The following REDIC1 variants were observed in gnomAD, a reference collection of about 807,000 sequenced individuals.
REDIC1 encodes HEI10 Interacting Protein 1.
At chr12:39,896,566 ATG>A in the REDIC1 span, among the ~76,000 whole-genome samples, 1 of 106,772 alleles carries the variant, frequency 9.4e-6, no homozygotes, top group Non-Finnish European at 2.0e-5. Flanking sequence ...GTATACATAT[ATG>A]TATGTATGTG....
At chr12:39,775,464 G>A in the REDIC1 span, among the ~76,000 whole-genome samples, 2 of 152,210 alleles carry the variant, frequency 1.3e-5, no homozygotes, top group East Asian at 1.9e-4. Context: ...AACAGGCTAC[G>A]GGCTCAGAGG....
chr12:39,883,355 G>A, the REDIC1 span, among the ~76,000 whole-genome samples: 7 of 152,134 alleles, frequency 4.6e-5, no homozygotes, highest in Non-Finnish European at 7.4e-5. Context: ...GTTCCCAGGT[G>A]CCCTCATGGC....
the REDIC1 span, among the ~76,000 whole-genome samples, chr12:39,667,532 A>G: frequency 1.3e-5 from 2 of 152,184 alleles, no homozygotes; most frequent in African/African-American, 2.4e-5. Flanking sequence ...GCTGAGAAGA[A>G]TGTATATTCT....
the REDIC1 span, among the ~76,000 whole-genome samples, chr12:39,710,284 A>G: frequency 6.6e-6 from 1 of 151,882 alleles, no homozygotes; most frequent in Non-Finnish European, 1.5e-5. Flanking sequence ...AATCTTTATC[A>G]GATTTTCATA....
chr12:39,712,973 GTATATATACATGTGTATATACGTGTATAT>G, the REDIC1 span, among the ~76,000 whole-genome samples: 1 of 19,296 alleles, frequency 5.2e-5, no homozygotes, highest in Non-Finnish European at 1.1e-4. Flanking sequence ...ACGTGTATAT[GTATATATACATGTGTATATACGTGTATAT>G]GTATATATAC....
At chr12:39,896,523 T>C in the REDIC1 span, among the ~76,000 whole-genome samples, 2 of 136,668 alleles carry the variant, frequency 1.5e-5, no homozygotes, top group Non-Finnish European at 3.2e-5. Context: ...TGTGTATACA[T>C]GTATACATGT....
chr12:39,740,628 AC>A, the REDIC1 span, among the ~76,000 whole-genome samples: 1 of 152,212 alleles, frequency 6.6e-6, no homozygotes, highest in Non-Finnish European at 1.5e-5. Context: ...TAAATGGGTC[AC>A]AGAGAATCAG....
chr12:39,837,589 C>T, the REDIC1 span, among the ~76,000 whole-genome samples: 1 of 146,992 alleles, frequency 6.8e-6, no homozygotes, highest in African/African-American at 2.5e-5. Flanking sequence ...ACAACCTACT[C>T]ATCTGACAAA....
the REDIC1 span, among the ~76,000 whole-genome samples, chr12:39,726,220 G>A: frequency 6.6e-6 from 1 of 151,580 alleles, no homozygotes; most frequent in African/African-American, 2.4e-5. Flanking sequence ...ATGCAGGTTT[G>A]TTACATAGGT....
At chr12:39,746,799 G>C in the REDIC1 span, among the ~76,000 whole-genome samples, 1 of 152,240 alleles carries the variant, frequency 6.6e-6, no homozygotes, top group African/African-American at 2.4e-5. Flanking sequence ...CTCCGCTGCT[G>C]ATACCTAGGC....
chr12:39,904,160 A>G, the REDIC1 span, among the ~76,000 whole-genome samples: 1 of 152,152 alleles, frequency 6.6e-6, no homozygotes, highest in East Asian at 1.9e-4. Context: ...CACAGGATGC[A>G]CTTCTTTCTT....
chr12:39,904,235 G>C, the REDIC1 span, among the ~76,000 whole-genome samples: 1 of 152,078 alleles, frequency 6.6e-6, no homozygotes, highest in Non-Finnish European at 1.5e-5. Context: ...CAGTGCCCAG[G>C]GTTTTTACTG....
chr12:39,781,391 G>T, the REDIC1 span, among the ~76,000 whole-genome samples: 1 of 6,286 alleles, frequency 1.6e-4, no homozygotes, highest in African/African-American at 2.0e-3. Flanking sequence ...AGTCTGGCCT[G>T]CCCCCTCCAG....
chr12:39,848,404 C>T, the REDIC1 span, among the ~76,000 whole-genome samples: 1 of 152,000 alleles, frequency 6.6e-6, no homozygotes, highest in South Asian at 2.1e-4. Context: ...ATACGTGCAG[C>T]CAAGGAGCAT....
chr12:39,864,990 T>G, the REDIC1 span: 1 of 1,045,874 alleles, frequency 9.6e-7, no homozygotes. Flanking sequence ...CAAAAACTCC[T>G]GAAAAAAAAA....
chr12:39,777,360 G>A, the REDIC1 span, among the ~76,000 whole-genome samples: 1 of 152,042 alleles, frequency 6.6e-6, no homozygotes, highest in Non-Finnish European at 1.5e-5. Flanking sequence ...TTTAGATGAA[G>A]GTCATCAAAT....
the REDIC1 span, among the ~76,000 whole-genome samples, chr12:39,730,892 T>G: frequency 6.6e-6 from 1 of 152,228 alleles, no homozygotes; most frequent in Non-Finnish European, 1.5e-5. Flanking sequence ...ATGCTTTATT[T>G]CATTAAGTTG....
chr12:39,718,236 T>C, the REDIC1 span, among the ~76,000 whole-genome samples: 48 of 152,120 alleles, frequency 3.2e-4, no homozygotes, highest in Non-Finnish European at 6.3e-4. Flanking sequence ...ATAATGAACC[T>C]TAAAGGTCAC....
At chr12:39,699,390 G>A in the REDIC1 span, among the ~76,000 whole-genome samples, 302 of 152,274 alleles carry the variant, frequency 2.0e-3, 1 homozygote, top group African/African-American at 6.9e-3. Context: ...GCGCTTTTCC[G>A]ACGGGCTTAA....
Sources: allele counts gnomAD v4.1 joint callset (sites outside exome capture counted in the v4.1 genomes callset), GRCh38; gene constraint gnomAD v4.1.1; transcripts MANE v1.5; gene names NCBI Gene and HGNC (gene_info 2026-07-23, HGNC 2026-07-21).